PCDHGB4: variants seen among roughly 807,000 people sequenced by gnomAD.
PCDHGB4 encodes the protein protocadherin gamma subfamily B, 4.
Under a neutral mutation model 60.5 loss-of-function variants are expected in PCDHGB4, and 38 were observed. The ratio of observed to expected loss-of-function variants is 0.63; its 90% CI spans 0.48 to 0.82. The LOEUF is 0.82. Among genes scored for constraint, PCDHGB4 ranks in the 40% least tolerant of loss-of-function variants. PCDHGB4 has a pLI of 0.00. For missense variants in PCDHGB4, 1,109 were observed against 1,209.6 expected, an observed-to-expected ratio of 0.92 and a Z score of 1.23; for synonymous variants, 456 against 509.7, an observed-to-expected ratio of 0.89 and a Z score of 1.42.
At chr5:141,392,809 C>T in intron 1 of PCDHGB4, 1 of 1,578,772 alleles carries the variant, frequency 6.3e-7, no homozygotes, top group African/African-American at 1.4e-5. Flanking sequence ...TGCAGCAAAA[C>T]AACAATGGCC....
chr5:141,419,175 C>A lies in PCDHGB4; in HGVS notation c.2397+28894C>A, dbSNP rs185228661. On this transcript the variant is annotated intron_variant, in intron 1 of 3. Transcript: ENST00000519479. Reference sequence around the variant, plus strand: ...CCGTTATCCTCCAGCAAAACCATAACCCTGCACATTACTGACGTCAATGAC... The same window carrying A: ...CCGTTATCCTCCAGCAAAACCATAAACCTGCACATTACTGACGTCAATGAC... The A allele has an allele frequency of 5.2e-4, 837 of 1,613,966 alleles. 3 individuals carry two copies. Among genetic ancestry groups the A allele is most frequent in the Non-Finnish European group, 9.3e-5 (110 of 1,179,894 alleles).
At chr5:141,392,871 C>T (rs2092620267) in intron 1 of PCDHGB4, 2 of 1,613,280 alleles carry the variant, frequency 1.2e-6, no homozygotes, top group Admixed American at 1.7e-5. Flanking sequence ...GTGCGCGCTG[C>T]TGGGAACGCT....
chr5:141,410,341 G>A (rs759674499), intron 1 of PCDHGB4: 1 of 1,613,992 alleles, frequency 6.2e-7, no homozygotes, highest in Non-Finnish European at 8.5e-7. Context: ...CCATTGCCTT[G>A]CGCCTGCGAC....
chr5:141,421,567 A>G (rs1202908091), intron 1 of PCDHGB4: 27 of 1,613,972 alleles, frequency 1.7e-5, no homozygotes, highest in Non-Finnish European at 2.2e-5. Context: ...CGTGGAAGAC[A>G]CCTTGAAGAT....
chr5:141,414,066 A>G, intron 1 of PCDHGB4: 2 of 1,608,358 alleles, frequency 1.2e-6, no homozygotes, highest in African/African-American at 1.3e-5. Context: ...TGAAGTTCCA[A>G]CTAAACAAAT....
chr5:141,489,867 G>C lies in PCDHGB4; in HGVS notation c.2398-4940G>C. ...ATCGTGAAGCCCAGGCAAGACATCA[G>C]CTGGTGCTTACTGCTGTGGATGGGG... On this transcript the variant is annotated intron_variant, in intron 1 of 3. Transcript: ENST00000519479. This position sits in a 1 kb window ranked among gnomAD's most constrained non-coding sequence, Gnocchi z 4.5. 1 of 1,614,240 alleles carries C rather than the reference G, an allele frequency of 6.2e-7. No individual in the cohort carries two copies. Among genetic ancestry groups the C allele is most frequent in the Non-Finnish European group, 8.5e-7 (1 of 1,180,034 alleles).
At chr5:141,392,063 A>G (rs2092459837) in intron 1 of PCDHGB4, 1 of 152,218 alleles carries the variant, frequency 6.6e-6, no homozygotes, top group African/African-American at 2.4e-5. Context: ...TATTATCGAC[A>G]TGTAATTCAA....
At chr5:141,393,143 T>G in intron 1 of PCDHGB4, 1 of 1,613,290 alleles carries the variant, frequency 6.2e-7, no homozygotes, top group Non-Finnish European at 8.5e-7. Context: ...ACACCCTGGT[T>G]GAGGATAAAG....
rs759742074 is a variant in PCDHGB4 at position 141,403,012 on chromosome 5, G to T, written c.2397+12731G>T. On this transcript the variant is annotated intron_variant, in intron 1 of 3. Transcript: ENST00000519479. ...GATTAGTCCTGCTATGCTCGCTCCT[G>T]GGGATGCTATGGGAGGCCAGGGCCA... 8.1e-6 allele frequency: 13 copies of T among 1,614,072 alleles called. 1 individual carries two copies. The South Asian group carries it at 1.4e-4, about 18-fold the overall frequency.
At chr5:141,402,534 TAC>T (rs2094278313) in intron 1 of PCDHGB4, among the ~76,000 whole-genome samples, 1 of 152,346 alleles carries the variant, frequency 6.6e-6, no homozygotes, top group Non-Finnish European at 1.5e-5. Context: ...GATTTTATAA[TAC>T]ACTTACAGAA....
chr5:141,454,625 C>G (rs1193628253), intron 1 of PCDHGB4, among the ~76,000 whole-genome samples: 1 of 151,512 alleles, frequency 6.6e-6, no homozygotes, highest in Admixed American at 6.6e-5. Context: ...AGGCTGGTCT[C>G]GAACCCCCAA....
At chr5:141,421,489 G>T (rs754141447) in intron 1 of PCDHGB4, 9 of 1,614,094 alleles carry the variant, frequency 5.6e-6, no homozygotes, top group Non-Finnish European at 7.6e-6. Context: ...CTTGATCACG[G>T]CAGGCAGGAT....
At chr5:141,453,029 A>G (rs1014709934) in intron 1 of PCDHGB4, among the ~76,000 whole-genome samples, 1 of 152,206 alleles carries the variant, frequency 6.6e-6, no homozygotes, top group Non-Finnish European at 1.5e-5. Context: ...TCATTAAAAT[A>G]AAGTTTGTTT....
In PCDHGB4 at chr5:141,415,247, C is replaced by T. The variant is rs181239359; in HGVS notation, c.2397+24966C>T. The stretch of plus-strand genomic sequence containing the variant: ...GAGTCTCCAGCTAACTCTGAAACCT[C>T]AGACCTCACTCTGTACCTGGTGGTA... On this transcript the variant is annotated intron_variant, in intron 1 of 3. Transcript: ENST00000519479. 958 of 1,614,210 alleles carry T rather than the reference C, an allele frequency of 5.9e-4. 13 individuals are homozygous for T. The East Asian group carries it at 0.015, about 25-fold the overall frequency.
chr5:141,395,022 G>T, intron 1 of PCDHGB4: 1 of 1,614,128 alleles, frequency 6.2e-7, no homozygotes, highest in Non-Finnish European at 8.5e-7. Context: ...AGGCGTGCCT[G>T]CCTCACATTT....
Position 141,421,488 on chromosome 5 carries a change from G to A in PCDHGB4, c.2397+31207G>A. On this transcript the variant is annotated intron_variant, in intron 1 of 3. Transcript: ENST00000519479. ...ATCCGCGAAGCGGCAGCTTGATCAC[G>A]GCAGGCAGGATAGACCGGGAGGAGC... The A allele has an allele frequency of 1.9e-6, 3 of 1,614,100 alleles. No homozygotes were observed. In the South Asian group the frequency reaches 3.3e-5, roughly 18 times the overall value.
chr5:141,419,395 G>T (rs374575981), intron 1 of PCDHGB4: 50 of 1,613,478 alleles, frequency 3.1e-5, no homozygotes, highest in Non-Finnish European at 4.0e-5. Flanking sequence ...CGCAGAGCGG[G>T]GTGGTGTTCG....
intron 1 of PCDHGB4, among the ~76,000 whole-genome samples, chr5:141,443,728 C>A (rs1434984241): frequency 1.3e-5 from 2 of 152,060 alleles, no homozygotes; most frequent in African/African-American, 2.4e-5. Flanking sequence ...ATTCCTCATA[C>A]ATTTCCCTAT....
At chr5:141,501,423 A>G (rs1195105794) in intron 2 of PCDHGB4, among the ~76,000 whole-genome samples, 4 of 151,966 alleles carry the variant, frequency 2.6e-5, no homozygotes, top group African/African-American at 7.2e-5. Flanking sequence ...AGTTGACTAA[A>G]TGTAGTCCAT....
Sources: allele counts gnomAD v4.1 joint callset (sites outside exome capture counted in the v4.1 genomes callset), GRCh38; gene constraint gnomAD v4.1.1; non-coding constraint Gnocchi (gnomAD v3.1); transcripts MANE v1.5; gene names NCBI Gene and HGNC (gene_info 2026-07-23, HGNC 2026-07-21).